Variants in KIAA0319L observed in about 807,000 individuals in gnomAD.
The protein encoded by KIAA0319L is KIAA0319 like.
KIAA0319L carries 55 observed loss-of-function variants against 120.1 expected under a neutral mutation model. The ratio of observed to expected loss-of-function variants is 0.46; its 90% CI spans 0.37 to 0.57. KIAA0319L has a LOEUF of 0.57. Ranked by LOEUF, KIAA0319L falls within the 20% of genes least tolerant of loss-of-function variation. The pLI is 0.00. For missense variants in KIAA0319L, 1,049 were observed against 1,255.3 expected, an observed-to-expected ratio of 0.84 and a Z score of 2.48; for synonymous variants, 398 against 471.9, an observed-to-expected ratio of 0.84 and a Z score of 2.03.
intron 2 of KIAA0319L, among the ~76,000 whole-genome samples, chr1:35,513,290 T>TATATA (rs1558545634): frequency 1.9e-4 from 14 of 73,196 alleles, no homozygotes; most frequent in East Asian, 8.3e-4. Flanking sequence ...ATATATATAT[T>TATATA]TTTTTTTTTT....
At chr1:35,458,485 T>C (rs910952115) in intron 9 of KIAA0319L, among the ~76,000 whole-genome samples, 2 of 152,144 alleles carry the variant, frequency 1.3e-5, no homozygotes, top group African/African-American at 2.4e-5. Context: ...TCATATCATT[T>C]CATAGATTTT....
rs184803097 is a variant in KIAA0319L, at chr1:35,553,240, G to A, written c.142+1110C>T. Reference sequence around the variant, plus strand: ...GACCCCATCTCTTTTTTTTAAAGAAGTGATTTTTCCCTATTCTGATGGTGC... The same window carrying A: ...GACCCCATCTCTTTTTTTTAAAGAAATGATTTTTCCCTATTCTGATGGTGC... On this transcript the variant is annotated intron_variant, in intron 2 of 20. Coordinates refer to ENST00000325722, the MANE Select transcript of KIAA0319L (RefSeq NM_024874.5). Among the ~76,000 whole-genome samples the A allele has an allele frequency of 6.6e-5, 10 of 151,944 alleles. No individual in the cohort carries two copies. In the East Asian group the frequency reaches 1.9e-3, roughly 29 times the overall value.
At position 35,449,902 on chromosome 1, in the gene KIAA0319L, C is replaced by T. The variant is rs1558295260; in HGVS notation, c.2318G>A (p.Ser773Asn). ...CTCCACAGTGGTCCGGTCTGTGTCA[C>T]TCTCACCCTTTGCATCGGTCACTTT... ...HLKVTDAKGE[S>N]DTDRTTVEVK... Residue 773 changes from serine (S) to asparagine (N), a missense_variant, in exon 15 of 21, where the codon AGT (serine) becomes AAT (asparagine). Physicochemically the swap from Ser to Asn is conservative, Grantham distance 46. Transcript: ENST00000325722. The T allele has an allele frequency of 1.2e-6, 2 of 1,614,066 alleles. No individual in the cohort carries two copies. Among genetic ancestry groups the T allele is most frequent in the Non-Finnish European group, 1.7e-6 (2 of 1,179,938 alleles).
chr1:35,448,392 A>C (rs367636468), intron 15 of KIAA0319L, 60 bp from the exon 16 acceptor site: 22 of 1,495,296 alleles, frequency 1.5e-5, no homozygotes, highest in East Asian at 1.1e-4. Context: ...CAGACCTGCC[A>C]CTGTGCATTT....
chr1:35,475,397 C>A (rs1643870724), intron 4 of KIAA0319L, among the ~76,000 whole-genome samples: 1 of 152,114 alleles, frequency 6.6e-6, no homozygotes, highest in African/African-American at 2.4e-5. Flanking sequence ...GAAGGGAAGG[C>A]AAATGGTTAC....
chr1:35,451,419 G>A (rs570339958), intron 13 of KIAA0319L, among the ~76,000 whole-genome samples: 1 of 152,328 alleles, frequency 6.6e-6, no homozygotes, highest in East Asian at 1.9e-4. Context: ...AAGGGAAGAT[G>A]TAAGCAGGAG....
At chr1:35,538,943 C>T (rs1646687201) in intron 2 of KIAA0319L, among the ~76,000 whole-genome samples, 1 of 152,026 alleles carries the variant, frequency 6.6e-6, no homozygotes, top group Non-Finnish European at 1.5e-5. Flanking sequence ...CTATCTCTAA[C>T]TGCACGGAAA....
chr1:35,557,527 G>C (rs1648303961), upstream of KIAA0319L: 1 of 386,466 alleles, frequency 2.6e-6, no homozygotes, highest in African/African-American at 2.1e-5. Context: ...GAGGGGCAGT[G>C]CTGGGCGGGT....
At chr1:35,454,714 T>G in intron 10 of KIAA0319L, 1 of 1,091,576 alleles carries the variant, frequency 9.2e-7, no homozygotes, top group Non-Finnish European at 1.2e-6. Flanking sequence ...AGCAGCAGTT[T>G]CAAATAAAGC....
chr1:35,456,135 C>CAGGGAG lies in KIAA0319L; in HGVS notation c.1533_1534insCTCCCT (p.Gln511_Val512insLeuPro). The CAGGGAG allele has an allele frequency of 6.2e-7, 1 of 1,613,980 alleles. No homozygotes were observed. Among genetic ancestry groups the CAGGGAG allele is most frequent in the Non-Finnish European group, 8.5e-7 (1 of 1,179,998 alleles). On this transcript the variant is annotated inframe_insertion, in exon 10 of 21. Transcript: ENST00000325722. ...ATGGAGTTTTGGGGCAGGGTGATCA[C>CAGGGAG]TTGGTTGGGGCCTGCGTTGGCCACA...
At chr1:35,557,612 G>A, upstream of KIAA0319L, 3 of 451,094 alleles carry the variant, frequency 6.7e-6, no homozygotes, top group South Asian at 3.1e-5. Context: ...TCTGCACCTT[G>A]CCTCCTTCGC....
chr1:35,477,464 G>A (rs544449247), intron 4 of KIAA0319L, among the ~76,000 whole-genome samples: 9 of 152,154 alleles, frequency 5.9e-5, no homozygotes, highest in East Asian at 1.9e-4. Flanking sequence ...TCAGGAGATC[G>A]AGACCATCCT....
chr1:35,516,490 A>G (rs1645684754), intron 2 of KIAA0319L, among the ~76,000 whole-genome samples: 1 of 152,206 alleles, frequency 6.6e-6, no homozygotes, highest in African/African-American at 2.4e-5. Flanking sequence ...GCTTTCTATA[A>G]AATTCAACAT....
intron 20 of KIAA0319L, 107 bp from the exon 21 acceptor site, chr1:35,435,188 G>A: frequency 4.0e-6 from 4 of 995,930 alleles, no homozygotes; most frequent in Non-Finnish European, 6.1e-6. Context: ...CAAGTCACAG[G>A]CTCCTCTCCA....
Position 35,460,479 on chromosome 1 carries a change from G to A in KIAA0319L, c.1295-42C>T, listed in dbSNP as rs768950695. 20 of 1,599,156 alleles carry A rather than the reference G, an allele frequency of 1.3e-5. No homozygotes were observed. The South Asian group carries it at 2.2e-4, about 18-fold the overall frequency. On this transcript the variant is annotated intron_variant, in intron 8 of 20. Transcript: ENST00000325722. ...CATCAGTTACAACATGAGAACGCTT[G>A]GTCTTAGCACTTATCCAGTTTACAC... is the stretch of plus-strand genomic sequence containing the variant.
intron 16 of KIAA0319L, among the ~76,000 whole-genome samples, 181 bp downstream of exon 16, chr1:35,447,992 G>A (rs986458564): frequency 1.2e-4 from 18 of 152,186 alleles, no homozygotes; most frequent in Non-Finnish European, 1.0e-4. Flanking sequence ...CTGCTGAAGT[G>A]TCTAGTACAG....
In KIAA0319L at chr1:35,554,514, A is replaced by G; in HGVS notation, c.-23T>C. ...CATGGCCCTCCAGACAGGCAGAACC[A>G]GTACACTAGAAGGACAGAAAGAGAA... is the stretch of plus-strand genomic sequence containing the variant. On this transcript the variant is annotated 5_prime_UTR_variant, in exon 2 of 21. Transcript: ENST00000325722. The G allele has an allele frequency of 6.4e-7, 1 of 1,568,886 alleles. No individual in the cohort carries two copies. Among genetic ancestry groups the G allele is most frequent in the Non-Finnish European group, 8.6e-7 (1 of 1,161,834 alleles).
At chr1:35,534,858 C>CAAAAAAAAAAA (rs779838672) in intron 2 of KIAA0319L, among the ~76,000 whole-genome samples, 2 of 42,632 alleles carry the variant, frequency 4.7e-5, no homozygotes, top group East Asian at 4.7e-4. Context: ...GACTCCGTCT[C>CAAAAAAAAAAA]AAAAAAAAAA....
At chr1:35,507,609 C>T (rs374540311) in intron 2 of KIAA0319L, among the ~76,000 whole-genome samples, 180 of 152,218 alleles carry the variant, frequency 1.2e-3, no homozygotes, top group Non-Finnish European at 2.3e-3. Flanking sequence ...AACTGTGGGA[C>T]CAGAAGAACA....
Sources: allele counts gnomAD v4.1 joint callset (sites outside exome capture counted in the v4.1 genomes callset), GRCh38; gene constraint gnomAD v4.1.1; transcripts MANE v1.5; gene names NCBI Gene and HGNC (gene_info 2026-07-23, HGNC 2026-07-21).